The following CYRIA variants were observed in gnomAD, a reference collection of about 807,000 sequenced individuals.
CYRIA encodes CYFIP related Rac1 interactor A.
CYRIA carries 15 observed loss-of-function variants against 43.9 expected under a neutral mutation model. That is an observed-to-expected ratio of 0.34 (90% CI 0.23 to 0.53). The LOEUF (loss-of-function observed/expected upper bound fraction) is 0.53. CYRIA is among the 20% of genes least tolerant of loss of function. CYRIA has a pLI of 0.94. For missense variants in CYRIA, 236 were observed against 394.2 expected (o/e 0.60, Z 3.40); for synonymous variants, 117 against 136.0 (o/e 0.86, Z 0.97).
intron 1 of CYRIA, among the ~76,000 whole-genome samples, chr2:16,629,377 T>C (rs1277793654): frequency 6.6e-6 from 1 of 152,234 alleles, no homozygotes; most frequent in Non-Finnish European, 1.5e-5. Flanking sequence ...ATCTGCCTTC[T>C]TAGGAATCTC....
chr2:16,648,966 A>G (rs1181180501), intron 1 of CYRIA, among the ~76,000 whole-genome samples: 1 of 152,226 alleles, frequency 6.6e-6, no homozygotes, highest in Admixed American at 6.5e-5. Context: ...TGTACTTGTT[A>G]CACTGCATTA....
intron 1 of CYRIA, among the ~76,000 whole-genome samples, chr2:16,649,073 A>C (rs911091360): frequency 6.6e-5 from 10 of 152,218 alleles, no homozygotes; most frequent in Non-Finnish European, 1.3e-4. Context: ...ACTCAGAAAA[A>C]AAAATAAAAA....
At chr2:16,590,898 C>T (rs940724940) in intron 2 of CYRIA, among the ~76,000 whole-genome samples, 1 of 152,098 alleles carries the variant, frequency 6.6e-6, no homozygotes, top group Admixed American at 6.6e-5. Flanking sequence ...GATAAGAATT[C>T]ATGGGAGTGT....
At chr2:16,570,694 A>T (rs1667098111) in intron 3 of CYRIA, among the ~76,000 whole-genome samples, 1 of 152,216 alleles carries the variant, frequency 6.6e-6, no homozygotes, top group Admixed American at 6.5e-5. Flanking sequence ...AGTGAAGAGG[A>T]GCTGTGAACT....
At chr2:16,609,767 T>C (rs1029606965) in intron 2 of CYRIA, among the ~76,000 whole-genome samples, 2 of 151,978 alleles carry the variant, frequency 1.3e-5, no homozygotes, top group African/African-American at 2.4e-5. Context: ...CCCCTGTCAC[T>C]TCTCCTCCTA....
chr2:16,663,825 G>A (rs963802620), intron 1 of CYRIA, among the ~76,000 whole-genome samples: 2 of 152,028 alleles, frequency 1.3e-5, no homozygotes, highest in African/African-American at 4.8e-5. Context: ...ACCTTCTAAA[G>A]AGCCTCCTAT....
chr2:16,663,891 C>T (rs1558447556), intron 1 of CYRIA, among the ~76,000 whole-genome samples: 1 of 152,068 alleles, frequency 6.6e-6, no homozygotes, highest in South Asian at 2.1e-4. Context: ...CGGACAGGAC[C>T]AGGGAGCCCA....
chr2:16,628,045 G>A (rs1374164926), intron 1 of CYRIA, among the ~76,000 whole-genome samples: 2 of 152,130 alleles, frequency 1.3e-5, no homozygotes, highest in African/African-American at 2.4e-5. Context: ...ACCAGGCTTC[G>A]GGGATGCCAC....
In CYRIA at chr2:16,560,925, C is replaced by A; in HGVS notation, c.710+65G>T. 2.2e-6 allele frequency: 3 copies of A among 1,379,268 alleles called. No homozygotes were observed. In the South Asian group the frequency reaches 3.5e-5, roughly 16 times the overall value. 85.4% of individuals were successfully genotyped at this position (1,379,268 alleles called of 1,614,324 possible). A position where few individuals can be genotyped will look rare whatever the true frequency, so the allele number is the denominator to read the frequency against. On this transcript the variant is annotated intron_variant, in intron 9 of 11. Transcript: ENST00000381323. ...CCCAAATGTTACATATCATTAACAT[C>A]ATCATCTTAACAGACACTGGCTGGG... is the stretch of plus-strand genomic sequence containing the variant.
intron 1 of CYRIA, among the ~76,000 whole-genome samples, chr2:16,637,139 G>C (rs76331878): frequency 1.3e-5 from 2 of 149,728 alleles, no homozygotes; most frequent in East Asian, 4.1e-4. Context: ...GTGAGATAAA[G>C]AAATCTGTTT....
At chr2:16,619,139 T>C (rs1278492567) in intron 2 of CYRIA, among the ~76,000 whole-genome samples, 2 of 152,126 alleles carry the variant, frequency 1.3e-5, no homozygotes, top group Non-Finnish European at 2.9e-5. Context: ...AGTGCAGAGA[T>C]CTTGGCACAA....
chr2:16,639,004 T>C (rs1052673533), intron 1 of CYRIA, among the ~76,000 whole-genome samples: 2 of 152,254 alleles, frequency 1.3e-5, no homozygotes, highest in African/African-American at 4.8e-5. Context: ...TAAATAATTA[T>C]ATCTGGATTC....
intron 2 of CYRIA, among the ~76,000 whole-genome samples, chr2:16,616,725 T>C (rs1160257530): frequency 6.6e-6 from 1 of 152,266 alleles, no homozygotes; most frequent in African/African-American, 2.4e-5. Context: ...ACCGAGGCTT[T>C]AAGTCAAAAT....
At chr2:16,635,845 C>T (rs773360152) in intron 1 of CYRIA, among the ~76,000 whole-genome samples, 1 of 152,204 alleles carries the variant, frequency 6.6e-6, no homozygotes, top group Non-Finnish European at 1.5e-5. Flanking sequence ...ACACAGCAGG[C>T]AACCTTGCTT....
intron 9 of CYRIA, 100 bp from the exon 10 acceptor site, chr2:16,559,686 G>A: frequency 7.2e-7 from 1 of 1,382,564 alleles, no homozygotes; most frequent in East Asian, 2.4e-5. Flanking sequence ...ATCCTCTCTT[G>A]GGAACAATCC....
intron 2 of CYRIA, among the ~76,000 whole-genome samples, chr2:16,610,897 CATAT>C (rs60848949): frequency 0.02 from 1,859 of 92,166 alleles, 49 homozygotes; most frequent in Non-Finnish European, 0.027. Context: ...TTAGTCCCAA[CATAT>C]ATATATATAT....
chr2:16,565,824 G>A, intron 3 of CYRIA, 57 bp from the exon 4 acceptor site: 1 of 1,458,210 alleles, frequency 6.9e-7, no homozygotes, highest in Non-Finnish European at 9.2e-7. Flanking sequence ...AGCTTGGGAG[G>A]AGGATGGATA....
intron 2 of CYRIA, among the ~76,000 whole-genome samples, chr2:16,604,373 C>T (rs1002891057): frequency 2.6e-5 from 4 of 152,210 alleles, no homozygotes; most frequent in African/African-American, 9.7e-5. Flanking sequence ...TCCCACAGTG[C>T]TCTGCAAAGC....
At chr2:16,560,384 G>C (rs1361684125) in intron 9 of CYRIA, among the ~76,000 whole-genome samples, 1 of 152,096 alleles carries the variant, frequency 6.6e-6, no homozygotes, top group Non-Finnish European at 1.5e-5. Context: ...TGGCCTTATG[G>C]GAACTTCATT....
Sources: gnomAD v4.1 joint callset for allele counts (sites outside exome capture counted in the v4.1 genomes callset) on GRCh38, gnomAD v4.1.1 for gene constraint, MANE v1.5 for transcripts, NCBI Gene and HGNC (gene_info 2026-07-23, HGNC 2026-07-21) for gene names.